The following BPTF variants were observed in gnomAD, a reference collection of about 807,000 sequenced individuals.
BPTF encodes nucleosome-remodeling factor subunit BPTF.
BPTF carries 18 observed loss-of-function variants against 292.5 expected under a neutral mutation model. That is an observed-to-expected ratio of 0.06 (90% confidence interval 0.04 to 0.09). BPTF has a LOEUF of 0.09. Ranked by LOEUF, BPTF falls within the 10% of genes least tolerant of loss-of-function variation. The pLI is 1.00. For synonymous variants in BPTF, 1,225 were observed against 1,251.9 expected (o/e 0.98, Z 0.45); for missense variants, 2,726 against 3,498.7 (o/e 0.78, Z 5.57).
At position 67,926,416 on chromosome 17, in the gene BPTF, C is replaced by T. The variant is rs1266885499; in HGVS notation, c.5751+1827C>T. Among the ~76,000 whole-genome samples the T allele has an allele frequency of 8.7e-4, 131 of 150,636 alleles. 2 individuals carry two copies. The highest frequency in any genetic ancestry group is 8.9e-5 in the Non-Finnish European group (6 of 67,742). On this transcript the variant is annotated intron_variant, in intron 15 of 27. Coordinates refer to ENST00000306378, the MANE Select transcript of BPTF (RefSeq NM_182641.4). ...CTCGGCTTACTGCAAGCTCCGCCTCCCGGGTTCACGCCATTCTCCTGCCTC... is the reference window on the plus strand; with the variant it reads ...CTCGGCTTACTGCAAGCTCCGCCTCTCGGGTTCACGCCATTCTCCTGCCTC...
chr17:67,857,655 CAG>C (rs1163525961), intron 2 of BPTF, among the ~76,000 whole-genome samples: 1 of 151,200 alleles, frequency 6.6e-6, no homozygotes, highest in Non-Finnish European at 1.5e-5. Context: ...TTTGTAGAGA[CAG>C]GGTTTCACCA....
rs374198932 is a variant in BPTF at position 67,826,199 on chromosome 17, G to A, written c.475G>A (p.Glu159Lys). The change falls in exon 1 of 28, where the codon GAG (glutamate) becomes AAG (lysine). Residue 159 changes from glutamate (E) to lysine (K), a missense_variant. This residue lies in a region of BPTF where 153 missense variants were observed against 178.3 expected (regional missense o/e 0.86). Coordinates refer to ENST00000306378, the MANE Select transcript of BPTF (RefSeq NM_182641.4). ...CGACGCCGAGGAGACCCAGGATTCT[G>A]AGGACGACGAGGAGGATGAGATGGA... is the stretch of plus-strand genomic sequence containing the variant. ...DGDAEETQDS[E>K]DDEEDEMEED... is the part of the protein sequence containing the mutation. 7.3e-5 allele frequency: 118 copies of A among 1,612,334 alleles called. 1 individual carries two copies. Among genetic ancestry groups the A allele is most frequent in the Non-Finnish European group, 9.9e-5 (117 of 1,178,602 alleles).
chr17:67,928,901 C>T (rs1269613421), intron 16 of BPTF: 1 of 1,179,614 alleles, frequency 8.5e-7, no homozygotes, highest in African/African-American at 1.6e-5. Context: ...TCCTAGAAGT[C>T]ACTACGTTGC....
chr17:67,927,944 C>CATG (rs1280811326), intron 15 of BPTF, among the ~76,000 whole-genome samples: 1 of 151,872 alleles, frequency 6.6e-6, no homozygotes, highest in Non-Finnish European at 1.5e-5. Context: ...AGTGCAGTGG[C>CATG]ATGATCTCAG....
Position 67,912,482 on chromosome 17 carries a change from A to T in BPTF, c.4598A>T (p.Asp1533Val). The T allele has an allele frequency of 6.2e-7, 1 of 1,614,014 alleles. No homozygotes were observed. The highest frequency in any genetic ancestry group is 1.1e-5 in the South Asian group (1 of 91,036). Residue 1533 changes from aspartate to valine, a missense_variant, in exon 11 of 28, where the codon GAT becomes GTT. By Grantham distance (152) the Asp-to-Val change is radical. This residue lies in a region of BPTF where 713 missense variants were observed against 714.9 expected (regional missense o/e 1.00). Coordinates refer to ENST00000306378, the MANE Select transcript of BPTF (RefSeq NM_182641.4). ...AGCAATTCAGTTAATCAGGTAGAAG[A>T]TATGGAAATAGAAACCTCAGAAGTT... ...PESNSVNQVE[D>V]MEIETSEVKK...
intron 10 of BPTF, among the ~76,000 whole-genome samples, chr17:67,910,198 A>G (rs1279792240): frequency 1.3e-5 from 2 of 152,152 alleles, no homozygotes; most frequent in African/African-American, 4.8e-5. Context: ...ATTTATCAGT[A>G]CTTTCTTTTT....
chr17:67,828,084 A>G (rs1567846627), intron 1 of BPTF, among the ~76,000 whole-genome samples: 3 of 151,878 alleles, frequency 2.0e-5, no homozygotes, highest in Admixed American at 6.6e-5. Context: ...GGTGCCCACC[A>G]GCACACCCGG....
In BPTF at chr17:67,909,568, A is replaced by G. The variant is rs768583440; in HGVS notation, c.2813-14A>G. On this transcript the variant is annotated splice_polypyrimidine_tract_variant and intron_variant, in intron 9 of 27. Coordinates refer to ENST00000306378, the MANE Select transcript of BPTF (RefSeq NM_182641.4). ...TGGAAATAACGTAAATTATCGTTAC[A>G]TGGTTCTTTTTAGCCAAAAATAATA... 8.6e-6 allele frequency: 13 copies of G among 1,509,684 alleles called. No homozygotes were observed. The highest frequency in any genetic ancestry group is 1.4e-5 in the South Asian group (1 of 74,024). 93.5% of individuals were successfully genotyped at this position (1,509,684 alleles called of 1,614,324 possible).
chr17:67,967,857 A>C lies in BPTF; in HGVS notation c.8539+1201A>C, dbSNP rs115951095. Among the ~76,000 whole-genome samples, 128 of 151,380 alleles carry C rather than the reference A, an allele frequency of 8.5e-4. 5 individuals are homozygous for C. The highest frequency in any genetic ancestry group is 2.8e-3 in the African/African-American group (116 of 40,808). On this transcript the variant is annotated intron_variant, in intron 26 of 27. Transcript: ENST00000306378. The stretch of plus-strand genomic sequence containing the variant: ...ATTGGAAATGAAATAAGTAGCCATC[A>C]ATAGAGGAGTAGCTATATCAGATGG...
At chr17:67,953,617 C>G (rs1318159086) in intron 23 of BPTF, among the ~76,000 whole-genome samples, 3 of 147,446 alleles carry the variant, frequency 2.0e-5, no homozygotes, top group East Asian at 4.0e-4. Context: ...CTCTTATTGC[C>G]CAGGCTGGAG....
intron 25 of BPTF, chr17:67,965,369 A>T (rs1248282431): frequency 6.7e-6 from 1 of 149,688 alleles, no homozygotes; most frequent in Non-Finnish European, 1.5e-5. Context: ...CGGGATCGAG[A>T]TGGTTTGCAG....
intron 18 of BPTF, among the ~76,000 whole-genome samples, chr17:67,938,862 C>T (rs1386977959): frequency 6.6e-6 from 1 of 152,112 alleles, no homozygotes; most frequent in East Asian, 1.9e-4. Context: ...AAGAAATGGG[C>T]AGTGTGTGGA....
intron 1 of BPTF, among the ~76,000 whole-genome samples, chr17:67,837,612 G>A (rs2057234954): frequency 6.6e-6 from 1 of 152,154 alleles, no homozygotes; most frequent in South Asian, 2.1e-4. Flanking sequence ...GTTTCACCAT[G>A]TTGGCCAGAC....
At chr17:67,855,252 G>A (rs532907190) in intron 2 of BPTF, among the ~76,000 whole-genome samples, 12 of 152,154 alleles carry the variant, frequency 7.9e-5, no homozygotes, top group Non-Finnish European at 1.5e-4. Flanking sequence ...AGTGAGCTGA[G>A]ATCACACCAC....
chr17:67,920,117 C>T lies in BPTF; in HGVS notation c.5531C>T (p.Pro1844Leu). The change falls in exon 13 of 28, where the codon CCC (proline) becomes CTC (leucine). Residue 1844 changes from proline to leucine, a missense_variant. Pro to Leu is a moderately conservative substitution (Grantham distance 98). Around this residue, in one of 22 missense-constraint regions of BPTF, gnomAD observed 198 missense variants for 277.1 expected, o/e 0.71. Transcript: ENST00000306378. Reference protein sequence around the residue: ...SEYCIRKIICPIGVPETPKET... With the variant: ...SEYCIRKIICLIGVPETPKET... ...TATTGTATCAGGAAAATCATTTGTC[C>T]CATTGGAGTTCCAGAAACACCAAAA... The T allele has an allele frequency of 6.2e-7, 1 of 1,612,316 alleles. No homozygotes were observed. The highest frequency in any genetic ancestry group is 8.5e-7 in the Non-Finnish European group (1 of 1,178,686).
chr17:67,880,228 A>G (rs2060311772), intron 4 of BPTF, among the ~76,000 whole-genome samples: 1 of 152,144 alleles, frequency 6.6e-6, no homozygotes, highest in South Asian at 2.1e-4. Context: ...TTTTTTTAAA[A>G]AAACACAACT....
At chr17:67,941,097 A>G (rs2065324868) in intron 19 of BPTF, among the ~76,000 whole-genome samples, 1 of 152,274 alleles carries the variant, frequency 6.6e-6, no homozygotes, top group Non-Finnish European at 1.5e-5. Context: ...CAAAGTATTA[A>G]GAATATCTGT....
intron 23 of BPTF, among the ~76,000 whole-genome samples, chr17:67,954,280 G>A (rs782431352): frequency 6.6e-6 from 1 of 151,524 alleles, no homozygotes; most frequent in Non-Finnish European, 1.5e-5. Flanking sequence ...TGATCCTCTT[G>A]CCTCGACCTC....
intron 3 of BPTF, among the ~76,000 whole-genome samples, chr17:67,870,337 T>G (rs997588896): frequency 6.6e-6 from 1 of 151,474 alleles, no homozygotes; most frequent in Admixed American, 6.6e-5. Flanking sequence ...AATTGAAAAT[T>G]GTTGGGGAAG....
Sources: allele counts gnomAD v4.1 joint callset (sites outside exome capture counted in the v4.1 genomes callset), GRCh38; gene constraint gnomAD v4.1.1; regional missense constraint gnomAD v4.1.1; transcripts MANE v1.5; gene names NCBI Gene and HGNC (gene_info 2026-07-23, HGNC 2026-07-21).